DNASE1: variants seen among roughly 807,000 people sequenced by gnomAD.
The protein encoded by DNASE1 is deoxyribonuclease-1.
Under a neutral mutation model 33.9 loss-of-function variants are expected in DNASE1, and 40 were observed. The ratio of observed to expected loss-of-function variants is 1.18; its 90% CI spans 0.92 to 1.54. DNASE1 has a LOEUF of 1.54. Ranked by LOEUF, DNASE1 falls within the 40% of genes most tolerant of loss-of-function variation. DNASE1 has a pLI of 0.00. For synonymous variants in DNASE1, 216 were observed against 160.0 expected (o/e 1.35, Z -2.64); for missense variants, 518 against 372.6 (o/e 1.39, Z -3.21).
intron 3 of DNASE1, 80 bp from the exon 4 acceptor site, chr16:3,656,022 C>A: frequency 6.2e-7 from 1 of 1,611,444 alleles, no homozygotes; most frequent in Non-Finnish European, 8.5e-7. Context: ...GGGTGGGGAC[C>A]TGGGCACAGC....
chr16:3,619,039 A>G (rs1567185113), intron 1 of DNASE1, among the ~76,000 whole-genome samples: 1 of 144,868 alleles, frequency 6.9e-6, no homozygotes. Context: ...CCCCTGGGTA[A>G]TTTTTTTTTT....
chr16:3,635,147 T>G (rs2151183233), intron 1 of DNASE1, among the ~76,000 whole-genome samples: 1 of 152,096 alleles, frequency 6.6e-6, no homozygotes, highest in East Asian at 1.9e-4. Context: ...GAACAAACTG[T>G]TAAAAATAAG....
chr16:3,614,405 G>GAGCC (rs2041028469), intron 1 of DNASE1, among the ~76,000 whole-genome samples: 2 of 152,204 alleles, frequency 1.3e-5, no homozygotes, highest in African/African-American at 4.8e-5. Context: ...ACCACGTTCA[G>GAGCC]AGCCACAAGG....
Position 3,658,030 on chromosome 16 carries a change from C to A in DNASE1, c.*77C>A, listed in dbSNP as rs1194417109. The A allele has an allele frequency of 6.2e-7, 1 of 1,609,638 alleles. No individual in the cohort carries two copies. Among genetic ancestry groups the A allele is most frequent in the African/African-American group, 1.3e-5 (1 of 74,828 alleles). ...CACAGGACCCAGAAAAAAAGCCCAA[C>A]ACACACTCGGGTTAAGAAATACCTT... On this transcript the variant is annotated 3_prime_UTR_variant, in exon 9 of 9. Coordinates refer to ENST00000246949, the MANE Select transcript of DNASE1 (RefSeq NM_005223.4).
downstream of DNASE1, chr16:3,658,252 C>A: frequency 6.3e-7 from 1 of 1,592,964 alleles, no homozygotes; most frequent in Non-Finnish European, 8.6e-7. Context: ...GAGGAGAAAC[C>A]CATTATGAGG....
chr16:3,658,080 G>T lies in DNASE1; in HGVS notation c.*127G>T, dbSNP rs200677183. The T allele has an allele frequency of 6.2e-7, 1 of 1,610,730 alleles. No individual in the cohort carries two copies. Among genetic ancestry groups the T allele is most frequent in the South Asian group, 1.1e-5 (1 of 90,838 alleles). On this transcript the variant is annotated 3_prime_UTR_variant, in exon 9 of 9. Transcript: ENST00000246949. ...TTAAATTTAGGTAAATAAAGCTCAAGGAGGTGGGGCTGTCATCTGTGGTGT... is the reference window on the plus strand; with the variant it reads ...TTAAATTTAGGTAAATAAAGCTCAATGAGGTGGGGCTGTCATCTGTGGTGT...
chr16:3,629,334 G>C (rs1020734954), intron 1 of DNASE1, among the ~76,000 whole-genome samples: 1 of 152,088 alleles, frequency 6.6e-6, no homozygotes, highest in African/African-American at 2.4e-5. Flanking sequence ...CTTTGCTGCA[G>C]CAATTGAGAT....
intron 1 of DNASE1, among the ~76,000 whole-genome samples, chr16:3,633,152 C>T (rs376011770): frequency 5.9e-5 from 9 of 152,282 alleles, no homozygotes; most frequent in East Asian, 1.9e-4. Context: ...AGATTAATAT[C>T]TGCCATATTT....
chr16:3,658,674 AAAACAAAC>A (rs35893407), downstream of DNASE1: 438 of 983,402 alleles, frequency 4.5e-4, no homozygotes, highest in African/African-American at 6.0e-3. Context: ...TCCATCTCAA[AAAACAAAC>A]AAACAAACAA....
At chr16:3,663,069 C>T, downstream of DNASE1, 1 of 882,358 alleles carries the variant, frequency 1.1e-6, no homozygotes, top group South Asian at 1.7e-5. Flanking sequence ...CCTCTCCCAC[C>T]AGGATGGAGA....
chr16:3,662,334 C>A (rs867377931), downstream of DNASE1: 15 of 668,384 alleles, frequency 2.2e-5, no homozygotes, highest in Non-Finnish European at 3.5e-5. Context: ...ATACTGTGCC[C>A]GAGGGGCTCC....
chr16:3,634,517 T>G (rs1024306169), intron 1 of DNASE1, among the ~76,000 whole-genome samples: 2 of 151,978 alleles, frequency 1.3e-5, no homozygotes, highest in African/African-American at 4.8e-5. Flanking sequence ...CATGAGCCAC[T>G]GTGCCTGGCC....
At chr16:3,663,123 AG>A in exon 10 of DNASE1, 1 of 680,408 alleles carries the variant, frequency 1.5e-6, no homozygotes, top group East Asian at 2.7e-5. Context: ...AAAACCTCAA[AG>A]GATGCTTCAG....
At chr16:3,612,916 C>T (rs1052192745) in intron 1 of DNASE1, among the ~76,000 whole-genome samples, 1 of 152,110 alleles carries the variant, frequency 6.6e-6, no homozygotes, top group Non-Finnish European at 1.5e-5. Context: ...AGTAGTGTGC[C>T]TCCAGTCACT....
intron 2 of DNASE1, 87 bp downstream of exon 2, chr16:3,655,607 G>T: frequency 1.3e-6 from 2 of 1,594,694 alleles, no homozygotes; most frequent in Non-Finnish European, 1.7e-6. Context: ...GAGCCACAGG[G>T]TGTCGGGTGT....
intron 1 of DNASE1, among the ~76,000 whole-genome samples, chr16:3,617,326 C>CAAAAAAAAAAAAAAAAAAAAAAAAAAAA (rs56670885): frequency 4.7e-4 from 27 of 57,716 alleles, no homozygotes; most frequent in African/African-American, 1.5e-3. Flanking sequence ...AACTCCATCT[C>CAAAAAAAAAAAAAAAAAAAAAAAAAAAA]AAAAAAAAAA....
intron 1 of DNASE1, among the ~76,000 whole-genome samples, chr16:3,625,396 A>G (rs1383667981): frequency 1.3e-5 from 2 of 152,046 alleles, no homozygotes; most frequent in East Asian, 3.9e-4. Flanking sequence ...AGAAGGGAGA[A>G]TTGCCTGAGC....
At chr16:3,648,840 C>A (rs978184983) in intron 1 of DNASE1, among the ~76,000 whole-genome samples, 6 of 152,202 alleles carry the variant, frequency 3.9e-5, no homozygotes, top group African/African-American at 1.2e-4. Flanking sequence ...AAGGTCCATA[C>A]ATTTTGTTTA....
At chr16:3,655,801 C>T (rs768087520) in intron 2 of DNASE1, 48 bp from the exon 3 acceptor site, 11 of 1,606,592 alleles carry the variant, frequency 6.8e-6, no homozygotes, top group East Asian at 2.2e-5. Context: ...CTGTAGGGTC[C>T]CTGGGTGGCA....
Sources: allele counts gnomAD v4.1 joint callset (sites outside exome capture counted in the v4.1 genomes callset), GRCh38; gene constraint gnomAD v4.1.1; transcripts MANE v1.5; gene names NCBI Gene and HGNC (gene_info 2026-07-23, HGNC 2026-07-21).